The following ATF6 variants were observed in gnomAD, a reference collection of about 807,000 sequenced individuals.
The protein encoded by ATF6 is cyclic AMP-dependent transcription factor ATF-6 alpha.
ATF6 carries 53 observed loss-of-function variants against 83.6 expected under a neutral mutation model. The observed-to-expected ratio is 0.63, with a 90% CI of 0.51 to 0.80. ATF6 has a LOEUF of 0.80. Ranked by LOEUF, ATF6 falls within the 30% of genes least tolerant of loss-of-function variation. ATF6 has a pLI of 0.00. For synonymous variants in ATF6, 288 were observed against 285.8 expected, an observed-to-expected ratio of 1.01 and a Z score of -0.08; for missense variants, 744 against 797.9, an observed-to-expected ratio of 0.93 and a Z score of 0.81.
intron 14 of ATF6, among the ~76,000 whole-genome samples, chr1:161,906,803 G>GT (rs1272611454): frequency 3.9e-5 from 6 of 152,128 alleles, no homozygotes; most frequent in Admixed American, 2.6e-4. Context: ...TGGGTCTGTA[G>GT]TTTTATTGCA....
chr1:161,783,251 T>TA (rs1684676323), intron 3 of ATF6, among the ~76,000 whole-genome samples: 2 of 152,046 alleles, frequency 1.3e-5, no homozygotes, highest in African/African-American at 2.4e-5. Context: ...CAAGCCCACC[T>TA]AAATTCTTGG....
chr1:161,898,500 G>A (rs1307148404), intron 14 of ATF6, among the ~76,000 whole-genome samples: 1 of 151,660 alleles, frequency 6.6e-6, no homozygotes, highest in Non-Finnish European at 1.5e-5. Context: ...CCATAATATA[G>A]TTATATAGTA....
At chr1:161,834,313 A>G (rs915033156) in intron 9 of ATF6, among the ~76,000 whole-genome samples, 1 of 152,134 alleles carries the variant, frequency 6.6e-6, no homozygotes, top group Non-Finnish European at 1.5e-5. Flanking sequence ...GCTGCTATAA[A>G]GACACATGCA....
intron 14 of ATF6, among the ~76,000 whole-genome samples, chr1:161,864,479 C>T (rs574336152): frequency 1.3e-5 from 2 of 152,302 alleles, no homozygotes; most frequent in Non-Finnish European, 1.5e-5. Flanking sequence ...ATTATTACCA[C>T]TCACTGTCAC....
Position 161,935,763 on chromosome 1 carries a change from A to G in ATF6, c.1805-22683A>G, listed in dbSNP as rs907879783. On this transcript the variant is annotated intron_variant, in intron 15 of 15. Transcript: ENST00000367942. ...AGGAAAGAATGATTTAATATATTCTATAAAGTGCCTAGTAATATAATAGGT... is the reference window on the plus strand; with the variant it reads ...AGGAAAGAATGATTTAATATATTCTGTAAAGTGCCTAGTAATATAATAGGT... Among the ~76,000 whole-genome samples the G allele has an allele frequency of 2.6e-5, 4 of 152,248 alleles. No individual in the cohort carries two copies. The East Asian group carries it at 5.8e-4, about 22-fold the overall frequency.
chr1:161,807,863 A>ATTTTTTTTTTTTTTTT (rs1557971141), intron 7 of ATF6, among the ~76,000 whole-genome samples: 3 of 54,788 alleles, frequency 5.5e-5, no homozygotes, highest in African/African-American at 1.6e-4. Context: ...TTAGTTTGTC[A>ATTTTTTTTTTTTTTTT]TCTTTTTTTT....
At chr1:161,777,932 C>T (rs1242818752) in intron 1 of ATF6, among the ~76,000 whole-genome samples, 4 of 152,140 alleles carry the variant, frequency 2.6e-5, no homozygotes, top group Non-Finnish European at 4.4e-5. Flanking sequence ...CATGCTGAAC[C>T]CAGATGTAGC....
intron 7 of ATF6, among the ~76,000 whole-genome samples, chr1:161,816,455 G>A (rs907122105): frequency 6.6e-6 from 1 of 152,202 alleles, no homozygotes; most frequent in Non-Finnish European, 1.5e-5. Flanking sequence ...AGAGTTCCAT[G>A]CTGTGATGCA....
intron 15 of ATF6, among the ~76,000 whole-genome samples, chr1:161,920,220 G>A (rs1026984658): frequency 1.3e-5 from 2 of 150,032 alleles, no homozygotes; most frequent in Non-Finnish European, 3.0e-5. Flanking sequence ...ACAGTTGAAT[G>A]GAGTCTTCAC....
chr1:161,790,809 T>A (rs990591153), intron 4 of ATF6, among the ~76,000 whole-genome samples: 2 of 149,684 alleles, frequency 1.3e-5, no homozygotes. Flanking sequence ...AGACTCTGTC[T>A]CAACAACAAC....
chr1:161,815,184 A>ATTT (rs34687938), intron 7 of ATF6, among the ~76,000 whole-genome samples: 61 of 96,416 alleles, frequency 6.3e-4, no homozygotes, highest in East Asian at 5.0e-3. Context: ...TCCCATTTTA[A>ATTT]TTTTTTTTTT....
intron 15 of ATF6, among the ~76,000 whole-genome samples, chr1:161,953,150 G>C (rs896166202): frequency 1.3e-5 from 2 of 152,052 alleles, no homozygotes; most frequent in Non-Finnish European, 2.9e-5. Flanking sequence ...TGGAAATTTA[G>C]GGTATATTAA....
intron 14 of ATF6, among the ~76,000 whole-genome samples, chr1:161,869,916 A>G (rs1281384383): frequency 1.3e-5 from 2 of 151,728 alleles, no homozygotes; most frequent in East Asian, 3.9e-4. Context: ...GTCCTATTTT[A>G]TGGCTGAAAA....
rs372209568 is a variant in ATF6 at position 161,932,008 on chromosome 1, A to G, written c.1804+19628A>G. Among the ~76,000 whole-genome samples, 8 of 152,330 alleles carry G rather than the reference A, an allele frequency of 5.3e-5. No individual in the cohort carries two copies. In the South Asian group the frequency reaches 1.7e-3, roughly 32 times the overall value. ...CTAATTTAAGTCTATAATAGAAAAG[A>G]GTAATTGCTATAGGAACCAACATTT... is the stretch of plus-strand genomic sequence containing the variant. On this transcript the variant is annotated intron_variant, in intron 15 of 15. Coordinates refer to ENST00000367942, the MANE Select transcript of ATF6 (RefSeq NM_007348.4).
chr1:161,867,155 C>T (rs543749672), intron 14 of ATF6, among the ~76,000 whole-genome samples: 18 of 152,054 alleles, frequency 1.2e-4, no homozygotes, highest in African/African-American at 3.6e-4. Flanking sequence ...ATTAGCCGGG[C>T]GTGGTGGTGG....
rs184992639 is a variant in ATF6 at position 161,843,506 on chromosome 1, A to G, written c.1188-2943A>G. Among the ~76,000 whole-genome samples the G allele has an allele frequency of 1.3e-4, 20 of 152,302 alleles. No individual in the cohort carries two copies. In the East Asian group the frequency reaches 3.7e-3, roughly 28 times the overall value. On this transcript the variant is annotated intron_variant, in intron 9 of 15. Transcript: ENST00000367942. Reference sequence around the variant, plus strand: ...CAACATAGTGCAGTGATGGAATTCCAATCCTGAATCCAAATCCTGACTTTC... The same window carrying G: ...CAACATAGTGCAGTGATGGAATTCCGATCCTGAATCCAAATCCTGACTTTC...
chr1:161,956,304 G>A (rs112141022), intron 15 of ATF6, among the ~76,000 whole-genome samples: 9 of 151,998 alleles, frequency 5.9e-5, no homozygotes, highest in South Asian at 4.2e-4. Context: ...ACACACACAC[G>A]CACACACAGC....
At chr1:161,777,574 T>G (rs1159581009) in intron 1 of ATF6, among the ~76,000 whole-genome samples, 1 of 152,226 alleles carries the variant, frequency 6.6e-6, no homozygotes, top group East Asian at 1.9e-4. Flanking sequence ...CTTCATAGAT[T>G]CTATGGTGAG....
rs1685576147 is a variant in ATF6, at chr1:161,814,925, T to TACA, written c.910-4708_910-4707insACA. On this transcript the variant is annotated intron_variant, in intron 7 of 15. Transcript: ENST00000367942. ...TGCAATACATATGCAATAATGTATG[T>TACA]TATGTAATTTTTATTTAATTGAAAG... Among the ~76,000 whole-genome samples the TACA allele has an allele frequency of 2.0e-5, 3 of 152,306 alleles. No homozygotes were observed. In the South Asian group the frequency reaches 6.2e-4, roughly 32 times the overall value.
Sources: gnomAD v4.1 joint callset for allele counts (sites outside exome capture counted in the v4.1 genomes callset) on GRCh38, gnomAD v4.1.1 for gene constraint, MANE v1.5 for transcripts, NCBI Gene and HGNC (gene_info 2026-07-23, HGNC 2026-07-21) for gene names.